The following VAV3 variants were observed in gnomAD, a reference collection of about 807,000 sequenced individuals.
VAV3 encodes the protein guanine nucleotide exchange factor VAV3.
A neutral mutation model predicts 131.2 loss-of-function variants in VAV3; 94 were observed. That is an observed-to-expected ratio of 0.72 (90% CI 0.61 to 0.85). The LOEUF (loss-of-function observed/expected upper bound fraction) is 0.85, where lower values mean the gene tolerates loss of function less well. VAV3 is among the 40% of genes least tolerant of loss of function. The probability of loss-of-function intolerance (pLI) is 0.00; values close to 1 mark genes in which losing one functional copy is unlikely to be tolerated. For missense variants in VAV3, 939 were observed against 1,002.7 expected (o/e 0.94, Z 0.86); for synonymous variants, 349 against 342.0 (o/e 1.02, Z -0.22).
At chr1:107,855,363 A>G (rs1369858320) in intron 2 of VAV3, among the ~76,000 whole-genome samples, 11 of 152,054 alleles carry the variant, frequency 7.2e-5, no homozygotes, top group Admixed American at 7.2e-4. Context: ...TGCGGCCTCA[A>G]CTTCCTGGAT....
At chr1:107,631,377 A>C (rs1279010870) in intron 20 of VAV3, among the ~76,000 whole-genome samples, 1 of 152,094 alleles carries the variant, frequency 6.6e-6, no homozygotes, top group Non-Finnish European at 1.5e-5. Flanking sequence ...TTGTAAGATT[A>C]TATAACATTA....
intron 24 of VAV3, among the ~76,000 whole-genome samples, chr1:107,597,801 G>A (rs533557348): frequency 1.6e-4 from 24 of 152,268 alleles, no homozygotes; most frequent in African/African-American, 5.3e-4. Flanking sequence ...TTTCACAGAT[G>A]ATAACAAAGA....
chr1:107,789,514 A>G (rs180866364), intron 2 of VAV3, among the ~76,000 whole-genome samples: 42 of 152,348 alleles, frequency 2.8e-4, no homozygotes, highest in Non-Finnish European at 4.9e-4. Context: ...CTAGGAGAAT[A>G]AAATGACAGT....
chr1:107,573,667 A>G (rs1649406805), intron 26 of VAV3, among the ~76,000 whole-genome samples: 1 of 152,196 alleles, frequency 6.6e-6, no homozygotes, highest in Non-Finnish European at 1.5e-5. Context: ...GTAGAACAGG[A>G]TGAAAAGACA....
At chr1:107,712,369 CA>C (rs1660839234) in intron 15 of VAV3, among the ~76,000 whole-genome samples, 1 of 152,158 alleles carries the variant, frequency 6.6e-6, no homozygotes, top group Non-Finnish European at 1.5e-5. Flanking sequence ...TAAAGCTCAT[CA>C]GCTATCGTTA....
intron 2 of VAV3, among the ~76,000 whole-genome samples, chr1:107,821,255 A>C (rs1323531187): frequency 1.3e-5 from 2 of 152,220 alleles, no homozygotes; most frequent in African/African-American, 4.8e-5. Flanking sequence ...TTGGCAAATA[A>C]GTGTTGATTG....
intron 20 of VAV3, among the ~76,000 whole-genome samples, chr1:107,622,979 A>G (rs1482416952): frequency 2.0e-5 from 3 of 152,342 alleles, no homozygotes; most frequent in Non-Finnish European, 4.4e-5. Flanking sequence ...ACATGCAATA[A>G]AAGAAAAAAA....
At position 107,572,225 on chromosome 1, in the gene VAV3, G is replaced by A. The variant is rs1168204884; in HGVS notation, c.*1106C>T. On this transcript the variant is annotated 3_prime_UTR_variant, in exon 27 of 27. Coordinates refer to ENST00000370056, the MANE Select transcript of VAV3 (RefSeq NM_006113.5). ...TCCCAGGATGGGCTGCAGAGGGGGA[G>A]ACTCTGAGAGAAGCTGGAGGCCCAC... 2 of 152,316 alleles carry A rather than the reference G, an allele frequency of 1.3e-5. No individual in the cohort carries two copies. Among genetic ancestry groups the A allele is most frequent in the Non-Finnish European group, 2.9e-5 (2 of 68,056 alleles). 9.4% of individuals were successfully genotyped at this position (152,316 alleles called of 1,614,324 possible).
chr1:107,871,507 A>G (rs1670252385), intron 2 of VAV3, among the ~76,000 whole-genome samples: 1 of 150,642 alleles, frequency 6.6e-6, no homozygotes, highest in South Asian at 2.1e-4. Context: ...TGTGTGATTA[A>G]AAAAAAAAGT....
intron 2 of VAV3, among the ~76,000 whole-genome samples, chr1:107,852,318 T>C (rs1669265733): frequency 6.6e-6 from 1 of 152,176 alleles, no homozygotes; most frequent in East Asian, 1.9e-4. Flanking sequence ...CTCTTCAAAG[T>C]CTTAAGTATT....
At chr1:107,592,103 AG>A (rs1312815683) in intron 25 of VAV3, among the ~76,000 whole-genome samples, 2 of 151,990 alleles carry the variant, frequency 1.3e-5, no homozygotes, top group Non-Finnish European at 2.9e-5. Flanking sequence ...CCCCTGTTCT[AG>A]GATTCAATCC....
At chr1:107,646,877 G>A (rs1331387366) in intron 19 of VAV3, among the ~76,000 whole-genome samples, 1 of 152,004 alleles carries the variant, frequency 6.6e-6, no homozygotes, top group Non-Finnish European at 1.5e-5. Context: ...CAATACAGAA[G>A]TGTTTTTAAA....
chr1:107,885,339 T>C (rs1043248989), intron 1 of VAV3, among the ~76,000 whole-genome samples: 3 of 152,088 alleles, frequency 2.0e-5, no homozygotes, highest in Non-Finnish European at 2.9e-5. Flanking sequence ...GGCAGACTAA[T>C]GCTAATGTTA....
chr1:107,948,567 G>A (rs1029923050), intron 1 of VAV3, among the ~76,000 whole-genome samples: 4 of 152,208 alleles, frequency 2.6e-5, no homozygotes, highest in African/African-American at 7.2e-5. Context: ...AAGCTGGCCA[G>A]GCGCAGTGGC....
chr1:107,942,264 T>C (rs1435156834), intron 1 of VAV3, among the ~76,000 whole-genome samples: 1 of 152,102 alleles, frequency 6.6e-6, no homozygotes, highest in Non-Finnish European at 1.5e-5. Flanking sequence ...TAGAAGAAAG[T>C]ACCCCTCCAG....
At chr1:107,777,914 GTGTT>G (rs1419468427) in intron 3 of VAV3, 3 of 152,282 alleles carry the variant, frequency 2.0e-5, no homozygotes, top group Non-Finnish European at 4.4e-5. Context: ...GGTGAATAGA[GTGTT>G]TTCTTTGTTC....
chr1:107,866,822 C>CAAAAAAAAA lies in VAV3; in HGVS notation c.321+8070_321+8078dup, dbSNP rs66866060. On this transcript the variant is annotated intron_variant, in intron 2 of 26. Transcript: ENST00000370056. ...TGGGCAAAAGAGCGAGACTCCATCT[C>CAAAAAAAAA]AAAAAAAAAAAAAAAAAAAAAAAAA... is the stretch of plus-strand genomic sequence containing the variant. Among the ~76,000 whole-genome samples the CAAAAAAAAA allele has an allele frequency of 5.4e-4, 32 of 59,204 alleles. 2 individuals are homozygous for CAAAAAAAAA. The highest frequency in any genetic ancestry group is 2.5e-3 in the African/African-American group (31 of 12,214). 38.8% of individuals were successfully genotyped at this position (59,204 alleles called of 152,430 possible).
At chr1:107,581,517 T>C (rs1650049549) in intron 25 of VAV3, among the ~76,000 whole-genome samples, 1 of 152,204 alleles carries the variant, frequency 6.6e-6, no homozygotes, top group African/African-American at 2.4e-5. Context: ...AAGTTATCTG[T>C]TAAATAAATA....
At chr1:107,789,128 A>C (rs1666159478) in intron 2 of VAV3, among the ~76,000 whole-genome samples, 1 of 152,334 alleles carries the variant, frequency 6.6e-6, no homozygotes, top group South Asian at 2.1e-4. Context: ...GATCTGAAAT[A>C]GACTTGGAGA....
Sources: allele counts gnomAD v4.1 joint callset (sites outside exome capture counted in the v4.1 genomes callset), GRCh38; gene constraint gnomAD v4.1.1; transcripts MANE v1.5; gene names NCBI Gene and HGNC (gene_info 2026-07-23, HGNC 2026-07-21).